Variants in SIPA1L2 observed in about 807,000 individuals in gnomAD.
SIPA1L2 encodes signal-induced proliferation-associated 1-like protein 2.
A neutral mutation model predicts 163.9 loss-of-function variants in SIPA1L2; 56 were observed. The ratio of observed to expected loss-of-function variants is 0.34; its 90% CI spans 0.28 to 0.43. SIPA1L2 has a LOEUF of 0.43. Among genes scored for constraint, SIPA1L2 ranks in the 20% least tolerant of loss-of-function variants. The pLI, the probability that SIPA1L2 is intolerant of heterozygous loss-of-function variation, is 1.00. For missense variants in SIPA1L2, 1,974 were observed against 2,193.5 expected, an observed-to-expected ratio of 0.90 and a Z score of 2.00; for synonymous variants, 877 against 865.7, an observed-to-expected ratio of 1.01 and a Z score of -0.23.
At chr1:232,612,425 C>A (rs780570054) in intron 1 of SIPA1L2, among the ~76,000 whole-genome samples, 49 of 152,196 alleles carry the variant, frequency 3.2e-4, no homozygotes, top group Admixed American at 1.7e-3. Flanking sequence ...CCCATGAAAG[C>A]AGCTGGGAGG....
chr1:232,588,331 G>T (rs910001644), intron 1 of SIPA1L2, among the ~76,000 whole-genome samples: 2 of 152,164 alleles, frequency 1.3e-5, no homozygotes, highest in Non-Finnish European at 2.9e-5. Context: ...GCCCATTTTC[G>T]AGGAAAACAG....
chr1:232,459,095 G>T (rs574877088), intron 10 of SIPA1L2, among the ~76,000 whole-genome samples: 2 of 152,334 alleles, frequency 1.3e-5, no homozygotes, highest in East Asian at 3.9e-4. Flanking sequence ...AATAGAGAAA[G>T]ATTTTTGCAA....
At chr1:232,617,081 T>A (rs530497073) in intron 1 of SIPA1L2, among the ~76,000 whole-genome samples, 102 of 152,388 alleles carry the variant, frequency 6.7e-4, no homozygotes, top group South Asian at 1.2e-3. Context: ...ATAATTTGAA[T>A]TAATTAGAAA....
At chr1:232,583,741 AAAC>A (rs1156302046) in intron 1 of SIPA1L2, among the ~76,000 whole-genome samples, 3 of 152,212 alleles carry the variant, frequency 2.0e-5, no homozygotes, top group African/African-American at 4.8e-5. Context: ...AAATTCACTC[AAAC>A]AACTACAGGT....
At chr1:232,449,264 A>T (rs1340567961) in intron 10 of SIPA1L2, among the ~76,000 whole-genome samples, 4 of 151,524 alleles carry the variant, frequency 2.6e-5, no homozygotes, top group Non-Finnish European at 5.9e-5. Flanking sequence ...CACGCCTGTA[A>T]TCCCAGCACT....
At chr1:232,414,967 C>T (rs1328382560) in intron 19 of SIPA1L2, among the ~76,000 whole-genome samples, 1 of 152,184 alleles carries the variant, frequency 6.6e-6, no homozygotes, top group African/African-American at 2.4e-5. Context: ...AGCCCACCTA[C>T]CCTCACTGAC....
At chr1:232,608,758 T>C (rs1662096402) in intron 1 of SIPA1L2, among the ~76,000 whole-genome samples, 1 of 152,088 alleles carries the variant, frequency 6.6e-6, no homozygotes, top group Admixed American at 6.5e-5. Flanking sequence ...TAGAGGCACA[T>C]GGGCGAGAAA....
At chr1:232,421,423 G>A (rs140051449) in intron 18 of SIPA1L2, among the ~76,000 whole-genome samples, 94 of 152,282 alleles carry the variant, frequency 6.2e-4, no homozygotes, top group African/African-American at 2.1e-3. Context: ...TATTATAAAT[G>A]CCAAGGAGCC....
rs762846989 is a variant in SIPA1L2, at chr1:232,479,660, G to A, written c.2052C>T (p.Thr684=). ...TGTTGTTGGGCATGTAGGGAAGCAG[G>A]GTTGACACGTGGAACATGAGTTCGT... ...KDYELMFHVS[T]LLPYMPNNRQ... Residue 684 remains threonine, a synonymous_variant, in exon 7 of 23, where the codon ACC becomes ACT. Transcript: ENST00000674635. 1 of 1,613,748 alleles carries A rather than the reference G, an allele frequency of 6.2e-7. No homozygotes were observed. Among genetic ancestry groups the A allele is most frequent in the Non-Finnish European group, 8.5e-7 (1 of 1,179,760 alleles).
In SIPA1L2 at chr1:232,604,090, C is replaced by T. The variant is rs550565069; in HGVS notation, c.-319+25779G>A. On this transcript the variant is annotated intron_variant, in intron 1 of 22. Coordinates refer to ENST00000674635, the MANE Select transcript of SIPA1L2 (RefSeq NM_020808.5). ...AATTACATCAAGCAGAAGGATACAA[C>T]GCATCCACAGACTCTTGCTTATCAG... Among the ~76,000 whole-genome samples, 95 of 152,096 alleles carry T rather than the reference C, an allele frequency of 6.2e-4. 2 individuals carry two copies. In the South Asian group the frequency reaches 7.9e-3, roughly 13 times the overall value.
intron 3 of SIPA1L2, among the ~76,000 whole-genome samples, chr1:232,498,545 C>A (rs1666313034): frequency 6.6e-6 from 1 of 152,186 alleles, no homozygotes; most frequent in Non-Finnish European, 1.5e-5. Context: ...AATCAAGGTT[C>A]TGGAGTGACT....
intron 3 of SIPA1L2, among the ~76,000 whole-genome samples, chr1:232,498,482 C>T (rs1274174411): frequency 6.6e-6 from 1 of 152,244 alleles, no homozygotes; most frequent in African/African-American, 2.4e-5. Context: ...CTTAAAACAA[C>T]TCCATTTACT....
Position 232,465,034 on chromosome 1 carries a change from T to G in SIPA1L2, c.2626A>C (p.Ile876Leu). 1.2e-6 allele frequency: 2 copies of G among 1,614,174 alleles called. No individual in the cohort carries two copies. The highest frequency in any genetic ancestry group is 1.7e-6 in the Non-Finnish European group (2 of 1,180,028). The change falls in exon 9 of 23, where the codon ATC becomes CTC. Residue 876 changes from isoleucine (I) to leucine (L), a missense_variant. This residue lies in a region of SIPA1L2 where 1,079 missense variants were observed against 1,150.7 expected (regional missense o/e 0.94). Coordinates refer to ENST00000674635, the MANE Select transcript of SIPA1L2 (RefSeq NM_020808.5). The surrounding 1 kb of genome is among the most constrained non-coding windows in gnomAD (Gnocchi z 4.1). Reference sequence around the variant, plus strand: ...ATCAACATGATGAACTCATTGGAGATCCCGAGAAGACATTCAATGTCAGCA... The same window carrying G: ...ATCAACATGATGAACTCATTGGAGAGCCCGAGAAGACATTCAATGTCAGCA... ...QSADIECLLG[I>L]SNEFIMLIEK...
chr1:232,483,693 G>A, intron 6 of SIPA1L2, 99 bp downstream of exon 6: 2 of 1,339,056 alleles, frequency 1.5e-6, no homozygotes, highest in East Asian at 2.4e-5. Context: ...TGCTTCTGGG[G>A]CCGGGAACAG....
At chr1:232,496,987 T>C (rs1666227321) in intron 3 of SIPA1L2, among the ~76,000 whole-genome samples, 1 of 152,088 alleles carries the variant, frequency 6.6e-6, no homozygotes, top group Non-Finnish European at 1.5e-5. Context: ...TTGTAGGGAG[T>C]ACAAAAGTAA....
chr1:232,461,137 C>T lies in SIPA1L2; in HGVS notation c.2845G>A (p.Val949Met). 6.2e-7 allele frequency: 1 copy of T among 1,614,214 alleles called. No homozygotes were observed. The highest frequency in any genetic ancestry group is 8.5e-7 in the Non-Finnish European group (1 of 1,180,020). The change falls in exon 10 of 23, where the codon GTG becomes ATG. Residue 949 changes from valine (V) to methionine (M), a missense_variant. Physicochemically the swap from Val to Met is conservative, Grantham distance 21. This residue lies in a region of SIPA1L2 where 1,079 missense variants were observed against 1,150.7 expected (regional missense o/e 0.94). Transcript: ENST00000674635. The stretch of plus-strand genomic sequence containing the variant: ...CCGTTCCTCCTCAGGGTCATTTCCA[C>T]AGTCTCGCAGCCTCTCGTCACTATC... ...LVIVTRGCET[V>M]EMTLRRNGLG...
chr1:232,403,411 A>G (rs1379562935), intron 21 of SIPA1L2, 37 bp downstream of exon 21: 1 of 1,598,534 alleles, frequency 6.3e-7, no homozygotes, highest in East Asian at 2.2e-5. Context: ...TCATGCCTGG[A>G]ACAGCAGGAG....
intron 2 of SIPA1L2, among the ~76,000 whole-genome samples, chr1:232,547,273 C>T (rs74320098): frequency 6.6e-6 from 1 of 152,188 alleles, no homozygotes; most frequent in Non-Finnish European, 1.5e-5. Context: ...GAACACACAG[C>T]TGGGATAAGT....
At chr1:232,497,105 C>A (rs1018791610) in intron 3 of SIPA1L2, among the ~76,000 whole-genome samples, 6 of 152,180 alleles carry the variant, frequency 3.9e-5, no homozygotes, top group African/African-American at 1.4e-4. Flanking sequence ...GTACTGCTCT[C>A]ATACTCAGCA....
Sources: gnomAD v4.1 joint callset for allele counts (sites outside exome capture counted in the v4.1 genomes callset) on GRCh38, gnomAD v4.1.1 for gene constraint, gnomAD v4.1.1 regional missense constraint, Gnocchi (gnomAD v3.1) non-coding constraint, MANE v1.5 for transcripts, NCBI Gene and HGNC (gene_info 2026-07-23, HGNC 2026-07-21) for gene names.